Variants in PAPSS1 observed in about 807,000 individuals in gnomAD.
PAPSS1 encodes the protein 3'-phosphoadenosine 5'-phosphosulfate synthase 1.
PAPSS1 carries 50 observed loss-of-function variants against 72.0 expected under a neutral mutation model. The observed-to-expected ratio is 0.69, with a 90% CI of 0.55 to 0.88. PAPSS1 has a LOEUF of 0.88. Among genes scored for constraint, PAPSS1 ranks in the 40% least tolerant of loss-of-function variants. The pLI is 0.00. For synonymous variants in PAPSS1, 261 were observed against 263.6 expected (o/e 0.99, Z 0.09); for missense variants, 657 against 782.2 (o/e 0.84, Z 1.91).
At chr4:107,702,670 C>A (rs1387437910) in intron 1 of PAPSS1, among the ~76,000 whole-genome samples, 3 of 152,116 alleles carry the variant, frequency 2.0e-5, no homozygotes, top group East Asian at 3.8e-4. Flanking sequence ...TGGTAACAAA[C>A]AAAAGGATTT....
chr4:107,653,135 GAATA>G (rs1403021569), intron 9 of PAPSS1, among the ~76,000 whole-genome samples: 3 of 141,102 alleles, frequency 2.1e-5, no homozygotes, highest in Non-Finnish European at 4.7e-5. Context: ...GAATATATAT[GAATA>G]TATATCTCTC....
rs557740263 is a variant in PAPSS1 at position 107,615,038 on chromosome 4, T to A, written c.1737-651A>T. Among the ~76,000 whole-genome samples, 9 of 152,094 alleles carry A rather than the reference T, an allele frequency of 5.9e-5. No individual in the cohort carries two copies. In the South Asian group the frequency reaches 1.9e-3, roughly 32 times the overall value. ...TAAATTGAAAACTTTTAAAGAAGTT[T>A]CAATCTGAAAGGCTAAATTAATACT... On this transcript the variant is annotated intron_variant, in intron 11 of 11. Transcript: ENST00000265174.
intron 9 of PAPSS1, among the ~76,000 whole-genome samples, chr4:107,646,697 C>A (rs1726705940): frequency 8.5e-5 from 13 of 152,186 alleles, no homozygotes; most frequent in Admixed American, 8.5e-4. Flanking sequence ...CCCTCCCCGT[C>A]AAGCCCCTCC....
At chr4:107,677,091 A>C (rs1727672565) in intron 5 of PAPSS1, among the ~76,000 whole-genome samples, 5 of 152,194 alleles carry the variant, frequency 3.3e-5, no homozygotes, top group Admixed American at 3.3e-4. Flanking sequence ...CCTAGAAGAA[A>C]ACCTAGGCAA....
chr4:107,641,845 T>C (rs562582861), intron 10 of PAPSS1, among the ~76,000 whole-genome samples: 3 of 152,248 alleles, frequency 2.0e-5, no homozygotes, highest in Non-Finnish European at 2.9e-5. Context: ...CCTAGAGATA[T>C]AGACAGTTCC....
At chr4:107,650,857 A>G (rs778058320) in intron 9 of PAPSS1, among the ~76,000 whole-genome samples, 6 of 152,306 alleles carry the variant, frequency 3.9e-5, no homozygotes, top group Non-Finnish European at 7.3e-5. Context: ...GTGAAAAAAA[A>G]ACAGAATTTG....
chr4:107,692,338 A>G (rs1722947535), intron 3 of PAPSS1, among the ~76,000 whole-genome samples: 1 of 152,228 alleles, frequency 6.6e-6, no homozygotes, highest in African/African-American at 2.4e-5. Flanking sequence ...GTATGAACAG[A>G]CACTTCTCTT....
chr4:107,624,982 G>A (rs994473321), intron 11 of PAPSS1, among the ~76,000 whole-genome samples: 1 of 152,156 alleles, frequency 6.6e-6, no homozygotes, highest in South Asian at 2.1e-4. Context: ...ATAAGACTCG[G>A]CTATGAAGAG....
chr4:107,620,036 C>T (rs180848690), intron 11 of PAPSS1, among the ~76,000 whole-genome samples: 180 of 152,334 alleles, frequency 1.2e-3, no homozygotes, highest in African/African-American at 3.6e-3. Flanking sequence ...TTTCTCACTC[C>T]ACATACATGG....
intron 4 of PAPSS1, among the ~76,000 whole-genome samples, chr4:107,683,649 A>T (rs1192864192): frequency 6.6e-6 from 1 of 152,154 alleles, no homozygotes; most frequent in Non-Finnish European, 1.5e-5. Flanking sequence ...AAATTGTGAG[A>T]AAAAACATAT....
chr4:107,696,752 AAAG>A (rs1211803764), intron 2 of PAPSS1, among the ~76,000 whole-genome samples: 9 of 152,190 alleles, frequency 5.9e-5, no homozygotes, highest in East Asian at 1.9e-4. Flanking sequence ...TTTAAAAAAA[AAAG>A]AAGAGGAGGA....
intron 1 of PAPSS1, among the ~76,000 whole-genome samples, chr4:107,709,300 G>A (rs569743983): frequency 1.3e-5 from 2 of 152,196 alleles, no homozygotes; most frequent in African/African-American, 4.8e-5. Context: ...AATTACAAGT[G>A]AGAAAATTGT....
chr4:107,674,487 C>T (rs1326011411), intron 5 of PAPSS1, among the ~76,000 whole-genome samples: 1 of 152,160 alleles, frequency 6.6e-6, no homozygotes, highest in African/African-American at 2.4e-5. Context: ...AGCTAACTAT[C>T]CTAAATATAT....
intron 1 of PAPSS1, among the ~76,000 whole-genome samples, chr4:107,704,170 C>G (rs1342186584): frequency 6.6e-6 from 1 of 152,120 alleles, no homozygotes; most frequent in Non-Finnish European, 1.5e-5. Context: ...TATAAAAACA[C>G]TACTACTTTT....
At chr4:107,625,974 C>T (rs1347651636) in intron 11 of PAPSS1, among the ~76,000 whole-genome samples, 1 of 151,446 alleles carries the variant, frequency 6.6e-6, no homozygotes, top group Non-Finnish European at 1.5e-5. Flanking sequence ...AAGGTCAGAT[C>T]GAGACCATCC....
At chr4:107,631,081 T>C (rs1205900423) in intron 11 of PAPSS1, among the ~76,000 whole-genome samples, 1 of 152,214 alleles carries the variant, frequency 6.6e-6, no homozygotes, top group East Asian at 1.9e-4. Context: ...GAAACATAAA[T>C]GAATTTCATG....
At chr4:107,681,117 A>C (rs1371090904) in intron 5 of PAPSS1, among the ~76,000 whole-genome samples, 1 of 152,184 alleles carries the variant, frequency 6.6e-6, no homozygotes, top group Non-Finnish European at 1.5e-5. Context: ...ACACTAGATG[A>C]AAGAGGTTTA....
chr4:107,621,608 CTTTTTTTTTTTTTTT>C (rs10670438), intron 11 of PAPSS1, among the ~76,000 whole-genome samples: 2 of 48,152 alleles, frequency 4.2e-5, no homozygotes, highest in East Asian at 7.6e-4. Flanking sequence ...GGTTTTTTAT[CTTTTTTTTTTTTTTT>C]TTTTTTTTTT....
intron 1 of PAPSS1, among the ~76,000 whole-genome samples, chr4:107,714,677 T>C (rs956715964): frequency 6.6e-6 from 1 of 152,196 alleles, no homozygotes; most frequent in Non-Finnish European, 1.5e-5. Flanking sequence ...TCTTTTCCAA[T>C]AGATGTTAGA....
Sources: gnomAD v4.1 joint callset for allele counts (sites outside exome capture counted in the v4.1 genomes callset) on GRCh38, gnomAD v4.1.1 for gene constraint, MANE v1.5 for transcripts, NCBI Gene and HGNC (gene_info 2026-07-23, HGNC 2026-07-21) for gene names.